Variants in RUNX2 observed in about 807,000 individuals in gnomAD.
The protein encoded by RUNX2 is RUNX family transcription factor 2, also known as runt-related transcription factor 2.
A neutral mutation model predicts 51.7 loss-of-function variants in RUNX2; 10 were observed. The observed-to-expected ratio is 0.19, with a 90% CI of 0.12 to 0.33. The LOEUF (loss-of-function observed/expected upper bound fraction) is 0.33. Among genes scored for constraint, RUNX2 ranks in the 10% least tolerant of loss-of-function variants. The pLI, the probability that RUNX2 is intolerant of heterozygous loss-of-function variation, is 1.00. For missense variants in RUNX2, 562 were observed against 691.3 expected, an observed-to-expected ratio of 0.81 and a Z score of 2.10; for synonymous variants, 276 against 273.6, an observed-to-expected ratio of 1.01 and a Z score of -0.09.
intron 2 of RUNX2, among the ~76,000 whole-genome samples, chr6:45,398,139 A>T (rs1442611270): frequency 6.6e-6 from 1 of 152,192 alleles, no homozygotes; most frequent in Non-Finnish European, 1.5e-5. Context: ...ATAGATTCAG[A>T]TTGCCTTGGC....
chr6:45,445,162 T>C (rs1314239443), intron 5 of RUNX2, among the ~76,000 whole-genome samples: 3 of 152,034 alleles, frequency 2.0e-5, no homozygotes, highest in African/African-American at 7.2e-5. Context: ...GTAGCTGGGA[T>C]TACAAGTGTG....
chr6:45,334,395 A>T (rs1788116014), intron 2 of RUNX2, among the ~76,000 whole-genome samples: 1 of 143,866 alleles, frequency 7.0e-6, no homozygotes, highest in Non-Finnish European at 1.5e-5. Context: ...TTATTTACAT[A>T]TTCCTTATAG....
In RUNX2 at chr6:45,328,374, T is replaced by C; in HGVS notation, c.-153T>C. 7.2e-7 allele frequency: 1 copy of C among 1,390,520 alleles called. No individual in the cohort carries two copies. The highest frequency in any genetic ancestry group is 9.6e-7 in the Non-Finnish European group (1 of 1,037,716). 86.1% of individuals were successfully genotyped at this position (1,390,520 alleles called of 1,614,324 possible). A position where few individuals can be genotyped will look rare whatever the true frequency, so the allele number is the denominator to read the frequency against. On this transcript the variant is annotated 5_prime_UTR_variant, in exon 1 of 9. Coordinates refer to ENST00000647337, the MANE Select transcript of RUNX2 (RefSeq NM_001024630.4). ...ACAGAACCACAAGTGCGGTGCAAAC[T>C]TTCTCCAGGAGGACAGCAAGAAGTC...
chr6:45,442,275 A>C (rs1798863596), intron 5 of RUNX2, among the ~76,000 whole-genome samples: 1 of 152,184 alleles, frequency 6.6e-6, no homozygotes. Context: ...TAAGATCCCA[A>C]ATTTGTAAGT....
chr6:45,546,608 A>G (rs1000251508), intron 8 of RUNX2, among the ~76,000 whole-genome samples: 1 of 152,104 alleles, frequency 6.6e-6, no homozygotes, highest in Non-Finnish European at 1.5e-5. Context: ...GCCCTCTGGG[A>G]TTCTCTGGGG....
rs191543061 is a variant in RUNX2 at position 45,506,498 on chromosome 6, G to A, written c.860-5748G>A. Among the ~76,000 whole-genome samples the A allele has an allele frequency of 3.4e-3, 523 of 152,170 alleles. 12 individuals carry two copies. The highest frequency in any genetic ancestry group is 0.03 in the Admixed American group (456 of 15,284). Reference sequence around the variant, plus strand: ...CATAAAAACCCAACACCAGAGGGTTGTTCATATATCATATCCATATAAAAA... The same window carrying A: ...CATAAAAACCCAACACCAGAGGGTTATTCATATATCATATCCATATAAAAA... On this transcript the variant is annotated intron_variant, in intron 6 of 8. Transcript: ENST00000647337.
At chr6:45,503,119 C>T (rs923326371) in intron 6 of RUNX2, among the ~76,000 whole-genome samples, 1 of 152,166 alleles carries the variant, frequency 6.6e-6, no homozygotes, top group South Asian at 2.1e-4. Context: ...TTCCCTGATG[C>T]TCAATGTGGT....
intron 7 of RUNX2, among the ~76,000 whole-genome samples, chr6:45,536,483 C>A (rs1203487918): frequency 2.0e-5 from 3 of 152,200 alleles, no homozygotes. Flanking sequence ...CAATTCGAGC[C>A]ACGTGCTTTA....
At chr6:45,377,174 G>A (rs534350391) in intron 2 of RUNX2, 1 of 152,286 alleles carries the variant, frequency 6.6e-6, no homozygotes, top group Admixed American at 6.5e-5. Context: ...ACCTGGCGCT[G>A]TTCTAAGCGT....
At chr6:45,514,330 C>T (rs1386805159) in intron 7 of RUNX2, among the ~76,000 whole-genome samples, 4 of 152,184 alleles carry the variant, frequency 2.6e-5, no homozygotes, top group African/African-American at 9.6e-5. Context: ...CTGAGGGTTA[C>T]TTAAAACATT....
chr6:45,458,022 A>ATTTTTTTTTTT (rs67652614), intron 5 of RUNX2, among the ~76,000 whole-genome samples: 8 of 137,700 alleles, frequency 5.8e-5, no homozygotes, highest in African/African-American at 2.2e-4. Context: ...CTGGGATAGG[A>ATTTTTTTTTTT]TTTTTTTTTT....
intron 7 of RUNX2, among the ~76,000 whole-genome samples, chr6:45,525,189 T>A (rs1327499409): frequency 6.6e-6 from 1 of 152,150 alleles, no homozygotes; most frequent in Non-Finnish European, 1.5e-5. Flanking sequence ...ACAAAGAAAG[T>A]TAAAGTTGTT....
rs565207801 is a variant in RUNX2, at chr6:45,525,046, G to T, written c.1021+12639G>T. Among the ~76,000 whole-genome samples the T allele has an allele frequency of 2.0e-5, 3 of 152,184 alleles. No homozygotes were observed. In the South Asian group the frequency reaches 6.2e-4, roughly 32 times the overall value. On this transcript the variant is annotated intron_variant, in intron 7 of 8. Coordinates refer to ENST00000647337, the MANE Select transcript of RUNX2 (RefSeq NM_001024630.4). The stretch of plus-strand genomic sequence containing the variant: ...GAATTGCTTGAACCCGGGAGGTGGA[G>T]GTTGCAGTGAGCCAAGATTGCGTAA...
At chr6:45,480,872 C>T (rs1164201701) in intron 5 of RUNX2, among the ~76,000 whole-genome samples, 2 of 152,226 alleles carry the variant, frequency 1.3e-5, no homozygotes, top group African/African-American at 2.4e-5. Context: ...TTTTTTCTTC[C>T]TCTGTGATCT....
chr6:45,526,520 A>G (rs866067300), intron 7 of RUNX2, among the ~76,000 whole-genome samples: 5 of 152,240 alleles, frequency 3.3e-5, no homozygotes, highest in Admixed American at 2.0e-4. Context: ...AGATCTATTT[A>G]AAGAAAATAT....
At chr6:45,330,931 T>A (rs1161916364) in intron 2 of RUNX2, among the ~76,000 whole-genome samples, 3 of 152,016 alleles carry the variant, frequency 2.0e-5, no homozygotes, top group Non-Finnish European at 4.4e-5. Flanking sequence ...ATGCAAAGCC[T>A]AAAACCTCAC....
intron 6 of RUNX2, among the ~76,000 whole-genome samples, chr6:45,495,042 C>T (rs189423008): frequency 1.9e-4 from 29 of 152,310 alleles, no homozygotes; most frequent in Admixed American, 1.1e-3. Context: ...GACAAGATTC[C>T]ACCCATCCTC....
intron 7 of RUNX2, among the ~76,000 whole-genome samples, chr6:45,534,786 A>AT (rs1801979548): frequency 6.6e-6 from 1 of 152,200 alleles, no homozygotes; most frequent in South Asian, 2.1e-4. Flanking sequence ...TATTGCCATC[A>AT]TTTTTCCCTT....
Position 45,348,512 on chromosome 6 carries a change from C to CAAAAAAAAA in RUNX2, c.58+19732_58+19740dup, listed in dbSNP as rs754208599. Reference sequence around the variant, plus strand: ...TGAAACCCCGTCTCTACTAAAAATACAAAAAAAAAAAAGTTATCCAGGTAT... The same window carrying CAAAAAAAAA: ...TGAAACCCCGTCTCTACTAAAAATACAAAAAAAAAAAAAAAAAAAAAGTTATCCAGGTAT... On this transcript the variant is annotated intron_variant, in intron 2 of 8. Coordinates refer to ENST00000647337, the MANE Select transcript of RUNX2 (RefSeq NM_001024630.4). Among the ~76,000 whole-genome samples, 138 of 110,364 alleles carry CAAAAAAAAA rather than the reference C, an allele frequency of 1.3e-3. 4 individuals are homozygous for CAAAAAAAAA. Among genetic ancestry groups the CAAAAAAAAA allele is most frequent in the African/African-American group, 4.9e-3 (133 of 27,330 alleles). 72.4% of individuals were successfully genotyped at this position (110,364 alleles called of 152,430 possible). A position where few individuals can be genotyped will look rare whatever the true frequency, so the allele number is the denominator to read the frequency against.
Sources: gnomAD v4.1 joint callset for allele counts (sites outside exome capture counted in the v4.1 genomes callset) on GRCh38, gnomAD v4.1.1 for gene constraint, MANE v1.5 for transcripts, NCBI Gene and HGNC (gene_info 2026-07-23, HGNC 2026-07-21) for gene names.